FAM81A: variants seen among roughly 807,000 people sequenced by gnomAD.
The protein encoded by FAM81A is family with sequence similarity 81 member A.
In FAM81A, 19 loss-of-function variants were observed where a neutral mutation model predicts 46.7. The ratio of observed to expected loss-of-function variants is 0.41; its 90% confidence interval spans 0.28 to 0.60. The LOEUF is 0.60. FAM81A is among the 20% of genes least tolerant of loss of function. The pLI, the probability that FAM81A is intolerant of heterozygous loss-of-function variation, is 0.34. For missense variants in FAM81A, 377 were observed against 453.5 expected, an observed-to-expected ratio of 0.83 and a Z score of 1.53; for synonymous variants, 183 against 152.9, an observed-to-expected ratio of 1.20 and a Z score of -1.45.
intron 2 of FAM81A, among the ~76,000 whole-genome samples, chr15:59,415,016 C>G (rs1050589859): frequency 6.6e-6 from 1 of 151,832 alleles, no homozygotes; most frequent in African/African-American, 2.4e-5. Flanking sequence ...TGGGTTTTCA[C>G]TGTATTAGCC....
rs763335355 is a variant in FAM81A at position 59,516,702 on chromosome 15, A to G, written c.844A>G (p.Lys282Glu). The part of the protein sequence containing the change: ...KLSQMSARLD[K>E]IEEGQKKTFD... ...CAGCCAGATGTCAGCCAGGCTTGAC[A>G]AAATAGAAGAGGGTCAAAAGAAGAC... The change falls in exon 8 of 9, where the codon AAA becomes GAA. Residue 282 changes from lysine to glutamate, a missense_variant. Lys to Glu is a moderately conservative substitution (Grantham distance 56). Coordinates refer to ENST00000288228, the MANE Select transcript of FAM81A (RefSeq NM_152450.3). 6.2e-7 allele frequency: 1 copy of G among 1,613,722 alleles called. No individual in the cohort carries two copies. Among genetic ancestry groups the G allele is most frequent in the East Asian group, 2.2e-5 (1 of 44,886 alleles).
intron 2 of FAM81A, among the ~76,000 whole-genome samples, chr15:59,459,107 C>A (rs2081519194): frequency 6.6e-6 from 1 of 152,154 alleles, no homozygotes; most frequent in Middle Eastern, 3.2e-3. Flanking sequence ...GGTGATCTCC[C>A]ACCTAGCCTC....
At chr15:59,462,222 A>G (rs2081561121) in intron 3 of FAM81A, among the ~76,000 whole-genome samples, 2 of 151,084 alleles carry the variant, frequency 1.3e-5, no homozygotes, top group Non-Finnish European at 3.0e-5. Flanking sequence ...AAAAAAAAAC[A>G]TAGCCAAATA....
At chr15:59,471,377 C>A (rs928556971) in intron 3 of FAM81A, among the ~76,000 whole-genome samples, 6 of 152,128 alleles carry the variant, frequency 3.9e-5, no homozygotes, top group Admixed American at 2.0e-4. Context: ...CTCTCTGTGT[C>A]TCTTGTAATG....
rs16953419 is a variant in FAM81A at position 59,512,612 on chromosome 15, C to T, written c.651-1677C>T. 8.5e-3 allele frequency among the ~76,000 whole-genome samples: 1,293 copies of T among 151,664 alleles called. 19 individuals carry two copies. Among genetic ancestry groups the T allele is most frequent in the African/African-American group, 0.029 (1,204 of 41,356 alleles). ...GGTTGTGGGGTGATCGCAAAGTACA[C>T]TTGGGTCTTCTAAGGTCCTGGCAGT... is the stretch of plus-strand genomic sequence containing the variant. On this transcript the variant is annotated intron_variant, in intron 6 of 8. Coordinates refer to ENST00000288228, the MANE Select transcript of FAM81A (RefSeq NM_152450.3).
chr15:59,504,023 A>G (rs2082123983), intron 4 of FAM81A, among the ~76,000 whole-genome samples: 1 of 152,166 alleles, frequency 6.6e-6, no homozygotes, highest in African/African-American at 2.4e-5. Flanking sequence ...TGTCCCTCAA[A>G]CGGCTTTGTA....
chr15:59,438,199 C>T lies in FAM81A; in HGVS notation c.-161C>T, dbSNP rs1319703871. The T allele has an allele frequency of 1.4e-5, 2 of 146,768 alleles. No homozygotes were observed. Among genetic ancestry groups the T allele is most frequent in the Non-Finnish European group, 1.5e-5 (1 of 65,998 alleles). 9.1% of individuals were successfully genotyped at this position (146,768 alleles called of 1,614,324 possible). A position where few individuals can be genotyped will look rare whatever the true frequency, so the allele number is the denominator to read the frequency against. ...CGGCGCGGGCCCGCAGCCGGGCGCCCTGCTCAGCCAGCGCCAGCGGCCGCC... is the reference window on the plus strand; with the variant it reads ...CGGCGCGGGCCCGCAGCCGGGCGCCTTGCTCAGCCAGCGCCAGCGGCCGCC... On this transcript the variant is annotated 5_prime_UTR_variant, in exon 1 of 9. Transcript: ENST00000288228.
chr15:59,499,300 T>A (rs2082066327), intron 4 of FAM81A, among the ~76,000 whole-genome samples: 1 of 152,194 alleles, frequency 6.6e-6, no homozygotes, highest in Non-Finnish European at 1.5e-5. Flanking sequence ...TTACCCCCAA[T>A]ACAGCTTTGC....
intron 3 of FAM81A, among the ~76,000 whole-genome samples, chr15:59,478,096 C>T (rs868456012): frequency 6.6e-6 from 1 of 152,184 alleles, no homozygotes; most frequent in Non-Finnish European, 1.5e-5. Flanking sequence ...GTAAGCTTTC[C>T]TTTCCATGCC....
At chr15:59,416,788 C>T (rs936913712) in intron 2 of FAM81A, among the ~76,000 whole-genome samples, 4 of 152,276 alleles carry the variant, frequency 2.6e-5, no homozygotes, top group Admixed American at 6.5e-5. Flanking sequence ...TCATGCTTAG[C>T]GGTCACTGGA....
intron 1 of FAM81A, among the ~76,000 whole-genome samples, chr15:59,446,148 A>G (rs545577473): frequency 1.2e-4 from 19 of 152,206 alleles, no homozygotes; most frequent in African/African-American, 4.6e-4. Context: ...TGGAGATTAC[A>G]GGTTCATGTA....
intron 8 of FAM81A, among the ~76,000 whole-genome samples, chr15:59,520,268 T>G (rs2082313897): frequency 2.6e-5 from 4 of 152,188 alleles, no homozygotes; most frequent in Admixed American, 2.6e-4. Flanking sequence ...AGTGTACAAG[T>G]GTTCCCCTTT....
chr15:59,507,229 G>C lies in FAM81A; in HGVS notation c.430G>C (p.Ala144Pro), dbSNP rs2082158909. Residue 144 changes from alanine (A) to proline (P), a missense_variant, in exon 5 of 9, where the codon GCT becomes CCT. Transcript: ENST00000288228. Reference sequence around the variant, plus strand: ...TCTGGACAGATGTGATGCCAGCATAGCTAGACTTTCTGCAGAGCACAAAAC... The same window carrying C: ...TCTGGACAGATGTGATGCCAGCATACCTAGACTTTCTGCAGAGCACAAAAC... ...GRVARCDASI[A>P]RLSAEHKTTY... 1 of 1,610,922 alleles carries C rather than the reference G, an allele frequency of 6.2e-7. No homozygotes were observed.
rs1408135651 is a variant in FAM81A, at chr15:59,458,551, T to C, written c.-76T>C. The C allele has an allele frequency of 3.1e-6, 5 of 1,609,396 alleles. No homozygotes were observed. The East Asian group carries it at 8.9e-5, about 29-fold the overall frequency. ...ATTTAGTGCTTATTTTTTCAACAGA[T>C]GTGAATTATTAAAAAGAAAATGGCC... On this transcript the variant is annotated splice_region_variant and 5_prime_UTR_variant, in exon 2 of 9. It removes an upstream start codon present in the reference 5' UTR. Transcript: ENST00000288228.
chr15:59,445,116 G>A (rs1310565710), intron 1 of FAM81A: 2 of 152,142 alleles, frequency 1.3e-5, no homozygotes, highest in African/African-American at 2.4e-5. Flanking sequence ...AGATTTCCGG[G>A]TGGCGAGCTG....
At chr15:59,479,519 G>GAAAAAAAAAAAAAAAAA (rs57107735) in intron 3 of FAM81A, among the ~76,000 whole-genome samples, 2 of 72,676 alleles carry the variant, frequency 2.8e-5, no homozygotes, top group Non-Finnish European at 4.9e-5. Context: ...TCAAAAATAA[G>GAAAAAAAAAAAAAAAAA]AAAAAAAAAA....
intron 1 of FAM81A, among the ~76,000 whole-genome samples, chr15:59,451,613 C>G (rs187616060): frequency 6.6e-6 from 1 of 152,118 alleles, no homozygotes; most frequent in Non-Finnish European, 1.5e-5. Context: ...CCATCACGCT[C>G]AGCTAATTTT....
chr15:59,453,931 C>T (rs1207739990), intron 1 of FAM81A, among the ~76,000 whole-genome samples: 1 of 152,152 alleles, frequency 6.6e-6, no homozygotes, highest in East Asian at 1.9e-4. Context: ...CTTGGGCCTG[C>T]ATGCACCACT....
chr15:59,405,348 G>A (rs757149592), intron 2 of FAM81A, among the ~76,000 whole-genome samples: 5 of 152,184 alleles, frequency 3.3e-5, no homozygotes, highest in Middle Eastern at 3.4e-3. Flanking sequence ...GCCTCTTTCC[G>A]CTAAGAATTA....
Sources: allele counts gnomAD v4.1 joint callset (sites outside exome capture counted in the v4.1 genomes callset), GRCh38; gene constraint gnomAD v4.1.1; transcripts MANE v1.5; gene names NCBI Gene and HGNC (gene_info 2026-07-23, HGNC 2026-07-21).